The following TRIM29 variants were observed in gnomAD, a reference collection of about 807,000 sequenced individuals.
TRIM29 encodes tripartite motif containing 29.
A neutral mutation model predicts 57.3 loss-of-function variants in TRIM29; 52 were observed. That is an observed-to-expected ratio of 0.91 (90% CI 0.73 to 1.14). The LOEUF (loss-of-function observed/expected upper bound fraction) is 1.14. TRIM29 is among the 50% of genes most tolerant of loss of function. The probability of loss-of-function intolerance (pLI) is 0.00; values close to 1 mark genes in which losing one functional copy is unlikely to be tolerated. For synonymous variants in TRIM29, 319 were observed against 316.9 expected (o/e 1.01, Z -0.07); for missense variants, 753 against 774.6 (o/e 0.97, Z 0.33).
chr11:120,137,729 G>A lies in TRIM29; in HGVS notation c.303C>T (p.Gly101=), dbSNP rs546795969. 1.4e-5 allele frequency: 22 copies of A among 1,612,538 alleles called. No individual in the cohort carries two copies. In the South Asian group the frequency reaches 1.9e-4, roughly 14 times the overall value. ...GGAGCCCTGCGTACGGCGACCTCTT[G>A]CCTTCCATAGAGTCCATGCTGAAGT... The part of the protein sequence containing the change: ...SNYFSMDSME[G]KRSPYAGLQL... The change falls in exon 1 of 9, where the codon GGC becomes GGT. Residue 101 remains glycine, a synonymous_variant. Coordinates refer to ENST00000341846, the MANE Select transcript of TRIM29 (RefSeq NM_012101.4). This position sits in a 1 kb window ranked among gnomAD's most constrained non-coding sequence, Gnocchi z 6.2.
intron 1 of TRIM29, among the ~76,000 whole-genome samples, chr11:120,135,249 C>T (rs1459506438): frequency 1.3e-5 from 2 of 152,068 alleles, no homozygotes; most frequent in African/African-American, 4.8e-5. Flanking sequence ...TGCTTGTAGT[C>T]GAGGTGGGAA....
In TRIM29 at chr11:120,123,024, C is replaced by T. The variant is rs137882673; in HGVS notation, c.1365G>A (p.Thr455=). Residue 455 remains threonine (T), a synonymous_variant, in exon 5 of 9, where the codon ACG becomes ACA. Coordinates refer to ENST00000341846, the MANE Select transcript of TRIM29 (RefSeq NM_012101.4). ...GGDHRYVNNY[T]NSFGGEWSAP... ...CACTCCACTCACCCCCGAAGCTGTT[C>T]GTGTAGTTGTTCACATAGCGATGGT... 1.3e-5 allele frequency: 21 copies of T among 1,614,044 alleles called. No individual in the cohort carries two copies. The highest frequency in any genetic ancestry group is 1.5e-5 in the Non-Finnish European group (18 of 1,180,006).
At position 120,125,710 on chromosome 11, in the gene TRIM29, C is replaced by T; in HGVS notation, c.1314G>A (p.Glu438=). 6.2e-7 allele frequency: 1 copy of T among 1,614,150 alleles called. No homozygotes were observed. The highest frequency in any genetic ancestry group is 8.5e-7 in the Non-Finnish European group (1 of 1,180,030). Residue 438 remains glutamate, a synonymous_variant, in exon 4 of 9, where the codon GAG becomes GAA. Coordinates refer to ENST00000341846, the MANE Select transcript of TRIM29 (RefSeq NM_012101.4). ...CKADLSRNFI[E]RNHMENGGDH... ...ACCTACCGTTCTCCATGTGGTTCCTCTCAATGAAGTTACGGCTCAGGTCCG... is the reference window on the plus strand; with the variant it reads ...ACCTACCGTTCTCCATGTGGTTCCTTTCAATGAAGTTACGGCTCAGGTCCG...
intron 5 of TRIM29, chr11:120,122,109 A>C: frequency 5.4e-6 from 2 of 367,932 alleles, no homozygotes; most frequent in South Asian, 1.9e-5. Flanking sequence ...AAATCCCCCA[A>C]GCCTCTCCCA....
chr11:120,122,118 C>T, intron 5 of TRIM29: 1 of 341,536 alleles, frequency 2.9e-6, no homozygotes. Context: ...AAGCCTCTCC[C>T]ATTGTGTGTG....
Position 120,127,553 on chromosome 11 carries a change from T to C in TRIM29, c.917A>G (p.Glu306Gly). The C allele has an allele frequency of 1.2e-6, 2 of 1,613,908 alleles. No homozygotes were observed. The highest frequency in any genetic ancestry group is 1.7e-6 in the Non-Finnish European group (2 of 1,179,872). The change falls in exon 3 of 9, where the codon GAG becomes GGG. Residue 306 changes from glutamate (E) to glycine (G), a missense_variant. Glu to Gly is a moderately conservative substitution (Grantham distance 98, BLOSUM62 -2). Transcript: ENST00000341846. ...GAAGTTCTGCTCCAGGATGGCCTTCTCATTGGTGGTGAAGCTCTGGAGGTC... is the reference window on the plus strand; with the variant it reads ...GAAGTTCTGCTCCAGGATGGCCTTCCCATTGGTGGTGAAGCTCTGGAGGTC... Reference protein sequence around the residue: ...KDRIKSFTTNEKAILEQNFRD... With the variant: ...KDRIKSFTTNGKAILEQNFRD...
chr11:120,120,660 C>A lies in TRIM29; in HGVS notation c.1441G>T (p.Val481Phe), dbSNP rs759048763. The change falls in exon 6 of 9, where the codon GTC becomes TTC. Residue 481 changes from valine (V) to phenylalanine (F), a missense_variant. Transcript: ENST00000341846. ...YSMYLTPKGG[V>F]RTSYQPSSPG... Reference sequence around the variant, plus strand: ...GACGAGGGCTGGTATGATGTCCGGACCCCACCTGTGAAGCAGATGAAGGGG... The same window carrying A: ...GACGAGGGCTGGTATGATGTCCGGAACCCACCTGTGAAGCAGATGAAGGGG... 6.2e-7 allele frequency: 1 copy of A among 1,613,774 alleles called. No individual in the cohort carries two copies.
At position 120,137,530 on chromosome 11, in the gene TRIM29, A is replaced by C. The variant is rs1863844767; in HGVS notation, c.502T>G (p.Ser168Ala). 1 of 1,606,198 alleles carries C rather than the reference A, an allele frequency of 6.2e-7. No individual in the cohort carries two copies. The highest frequency in any genetic ancestry group is 1.1e-5 in the South Asian group (1 of 91,026). ...CAGGAGTCGCACAGCACCTCCTCGG[A>C]GCCGGACTTGGACCGTGAAAAAAGG... Reference protein sequence around the residue: ...TGLFSRSKSGSEEVLCDSCIG... With the variant: ...TGLFSRSKSGAEEVLCDSCIG... Residue 168 changes from serine to alanine, a missense_variant, in exon 1 of 9, where the codon TCC becomes GCC. Transcript: ENST00000341846. This position sits in a 1 kb window ranked among gnomAD's most constrained non-coding sequence, Gnocchi z 6.2.
intron 5 of TRIM29, chr11:120,121,025 C>G (rs1256666586): frequency 2.7e-6 from 1 of 375,872 alleles, no homozygotes; most frequent in East Asian, 6.8e-5. Context: ...CCCGGGAGAT[C>G]AGAGCCTCAC....
intron 2 of TRIM29, 55 bp downstream of exon 2, chr11:120,128,345 C>T: frequency 6.5e-7 from 1 of 1,532,354 alleles, no homozygotes; most frequent in Admixed American, 1.7e-5. Context: ...CTGCGTCTTT[C>T]CAGGCAGGCC....
rs1863148218 is a variant in TRIM29 at position 120,112,085 on chromosome 11, C to A, written c.*329G>T. On this transcript the variant is annotated 3_prime_UTR_variant, in exon 9 of 9. Coordinates refer to ENST00000341846, the MANE Select transcript of TRIM29 (RefSeq NM_012101.4). ...GCTGATACCATGCGGGTACTCACTG[C>A]TAGCCCCCAGATCCAGCCCGAGAGG... is the stretch of plus-strand genomic sequence containing the variant. 3 of 342,540 alleles carry A rather than the reference C, an allele frequency of 8.8e-6. No individual in the cohort carries two copies. The highest frequency in any genetic ancestry group is 7.7e-5 in the South Asian group (3 of 38,822). 21.2% of individuals were successfully genotyped at this position (342,540 alleles called of 1,614,324 possible).
chr11:120,136,781 C>T (rs1863821781), intron 1 of TRIM29, among the ~76,000 whole-genome samples: 1 of 107,764 alleles, frequency 9.3e-6, no homozygotes, highest in South Asian at 3.5e-4. Flanking sequence ...ATTATCTCTT[C>T]TTCAAAGCAA....
intron 4 of TRIM29, chr11:120,123,588 C>T (rs1384149621): frequency 5.1e-6 from 2 of 391,744 alleles, no homozygotes; most frequent in East Asian, 7.1e-5. Flanking sequence ...GGGATCCAGG[C>T]AGTGGAGTGA....
At chr11:120,114,025 A>C (rs889948682) in intron 8 of TRIM29, among the ~76,000 whole-genome samples, 2 of 152,114 alleles carry the variant, frequency 1.3e-5, no homozygotes, top group Admixed American at 1.3e-4. Context: ...GCACAAAGGA[A>C]TCATTTTTCC....
chr11:120,121,256 T>C (rs930980204), intron 5 of TRIM29: 1 of 226,504 alleles, frequency 4.4e-6, no homozygotes, highest in African/African-American at 2.3e-5. Context: ...TGTGCCTGTG[T>C]TCCCTGATGC....
At position 120,122,395 on chromosome 11, in the gene TRIM29, G is replaced by A. The variant is rs117478544; in HGVS notation, c.1435+559C>T. Among the ~76,000 whole-genome samples, 8 of 152,290 alleles carry A rather than the reference G, an allele frequency of 5.3e-5. No homozygotes were observed. In the East Asian group the frequency reaches 1.4e-3, roughly 26 times the overall value. On this transcript the variant is annotated intron_variant, in intron 5 of 8. Transcript: ENST00000341846. ...CACAGGGCAAGGACAGGCAGGCACT[G>A]GTCTGTGCTAGGCCGGCACCTTGCA...
intron 6 of TRIM29, 28 bp downstream of exon 6, chr11:120,120,545 T>C: frequency 1.2e-6 from 2 of 1,603,126 alleles, no homozygotes; most frequent in East Asian, 2.2e-5. Flanking sequence ...ATGAACTCTG[T>C]GCACCCTTGA....
intron 1 of TRIM29, among the ~76,000 whole-genome samples, chr11:120,133,429 C>T (rs2135028387): frequency 6.6e-6 from 1 of 152,366 alleles, no homozygotes; most frequent in East Asian, 1.9e-4. Flanking sequence ...GTGTGTGCCA[C>T]AGACACTGGG....
chr11:120,115,504 T>C lies in TRIM29; in HGVS notation c.1628-90A>G, dbSNP rs552974470. On this transcript the variant is annotated intron_variant, in intron 7 of 8. Coordinates refer to ENST00000341846, the MANE Select transcript of TRIM29 (RefSeq NM_012101.4). ...AGCAGCACAGCTGCCTTCTCCAAAGTGACCACCAAGCATCATCCAGCCCAT... is the reference window on the plus strand; with the variant it reads ...AGCAGCACAGCTGCCTTCTCCAAAGCGACCACCAAGCATCATCCAGCCCAT... 1.5e-3 allele frequency: 1,660 copies of C among 1,124,532 alleles called. 2 individuals are homozygous for C. Among genetic ancestry groups the C allele is most frequent in the Non-Finnish European group, 2.0e-3 (1,565 of 775,672 alleles). 69.7% of individuals were successfully genotyped at this position (1,124,532 alleles called of 1,614,324 possible).
Sources: allele counts gnomAD v4.1 joint callset (sites outside exome capture counted in the v4.1 genomes callset), GRCh38; gene constraint gnomAD v4.1.1; non-coding constraint Gnocchi (gnomAD v3.1); transcripts MANE v1.5; gene names NCBI Gene and HGNC (gene_info 2026-07-23, HGNC 2026-07-21).